The following GRIN2B variants were observed in gnomAD, a reference collection of about 807,000 sequenced individuals.
GRIN2B encodes the protein glutamate ionotropic receptor NMDA type subunit 2B, also known as glutamate receptor ionotropic, NMDA 2B.
A neutral mutation model predicts 114.5 loss-of-function variants in GRIN2B; 5 were observed. The ratio of observed to expected loss-of-function variants is 0.04; its 90% confidence interval spans 0.02 to 0.09. The LOEUF (loss-of-function observed/expected upper bound fraction) is 0.09, where lower values mean the gene tolerates loss of function less well. GRIN2B is among the 10% of genes least tolerant of loss of function. GRIN2B has a pLI of 1.00. For synonymous variants in GRIN2B, 787 were observed against 745.1 expected (o/e 1.06, Z -0.92); for missense variants, 1,108 against 1,943.5 (o/e 0.57, Z 8.08).
chr12:13,882,797 A>G (rs1297273722), intron 2 of GRIN2B, among the ~76,000 whole-genome samples: 1 of 152,242 alleles, frequency 6.6e-6, no homozygotes, highest in Non-Finnish European at 1.5e-5. Context: ...ATTAAAATTC[A>G]CGCTTTTAAG....
At chr12:13,820,715 T>C (rs1347043519) in intron 3 of GRIN2B, among the ~76,000 whole-genome samples, 1 of 152,178 alleles carries the variant, frequency 6.6e-6, no homozygotes, top group Non-Finnish European at 1.5e-5. Context: ...GCAAACCTGG[T>C]TGCTAAATGC....
intron 3 of GRIN2B, among the ~76,000 whole-genome samples, chr12:13,758,921 T>C (rs1323109758): frequency 1.3e-5 from 2 of 152,088 alleles, no homozygotes; most frequent in Non-Finnish European, 2.9e-5. Flanking sequence ...CTAGTGTTCA[T>C]TGTATTAATA....
chr12:13,832,003 T>C (rs1317764344), intron 3 of GRIN2B, among the ~76,000 whole-genome samples: 1 of 152,146 alleles, frequency 6.6e-6, no homozygotes, highest in Non-Finnish European at 1.5e-5. Context: ...CCCCTGGTGG[T>C]GAAGGGCAGT....
intron 5 of GRIN2B, among the ~76,000 whole-genome samples, chr12:13,621,808 T>G (rs1355029112): frequency 2.0e-5 from 3 of 152,096 alleles, no homozygotes; most frequent in Non-Finnish European, 4.4e-5. Flanking sequence ...TCTAGGGAAC[T>G]AATCTGTAAT....
intron 8 of GRIN2B, among the ~76,000 whole-genome samples, chr12:13,613,123 G>C (rs1805530): frequency 0.022 from 3,419 of 152,214 alleles, 133 homozygotes; most frequent in African/African-American, 0.078. Flanking sequence ...CTAGAGATGC[G>C]AGCGTAAGAG....
intron 10 of GRIN2B, among the ~76,000 whole-genome samples, chr12:13,599,074 T>C (rs1327928124): frequency 6.6e-6 from 1 of 152,178 alleles, no homozygotes; most frequent in East Asian, 1.9e-4. Context: ...CTCCTGATGC[T>C]CTCGATCAAA....
At chr12:13,925,489 A>G (rs1343907911) in intron 2 of GRIN2B, among the ~76,000 whole-genome samples, 1 of 152,124 alleles carries the variant, frequency 6.6e-6, no homozygotes, top group East Asian at 1.9e-4. Flanking sequence ...GATTTCCACC[A>G]TTTTGAAAAG....
chr12:13,734,783 G>C (rs78013476), intron 4 of GRIN2B, among the ~76,000 whole-genome samples: 3 of 152,162 alleles, frequency 2.0e-5, no homozygotes, highest in African/African-American at 7.2e-5. Context: ...GCCTGGAATC[G>C]TCAGAGAAGG....
chr12:13,599,684 A>T (rs967269471), intron 10 of GRIN2B, among the ~76,000 whole-genome samples: 4 of 152,242 alleles, frequency 2.6e-5, no homozygotes, highest in Admixed American at 1.3e-4. Context: ...TTATGTAACT[A>T]AACTTTCGAA....
At chr12:13,823,801 T>C (rs1323249500) in intron 3 of GRIN2B, among the ~76,000 whole-genome samples, 3 of 152,158 alleles carry the variant, frequency 2.0e-5, no homozygotes, top group Non-Finnish European at 4.4e-5. Flanking sequence ...TCCATACATA[T>C]CTTTATCAGG....
chr12:13,824,236 G>A (rs533372841), intron 3 of GRIN2B, among the ~76,000 whole-genome samples: 30 of 152,284 alleles, frequency 2.0e-4, no homozygotes, highest in Non-Finnish European at 4.0e-4. Context: ...GAATTCACCA[G>A]TGAAGCCATT....
chr12:13,933,659 G>A (rs80156263), intron 2 of GRIN2B, among the ~76,000 whole-genome samples: 1 of 152,166 alleles, frequency 6.6e-6, no homozygotes, highest in Non-Finnish European at 1.5e-5. Context: ...TGAGCATGTG[G>A]CCCTGCAGAG....
chr12:13,645,449 A>T (rs1565487365), intron 5 of GRIN2B, among the ~76,000 whole-genome samples: 1 of 152,084 alleles, frequency 6.6e-6, no homozygotes, highest in Non-Finnish European at 1.5e-5. Flanking sequence ...AAAAGTTTGA[A>T]ATATTGTGAG....
chr12:13,600,918 A>T (rs1805519), intron 10 of GRIN2B, among the ~76,000 whole-genome samples: 52,314 of 152,044 alleles, frequency 0.34, 10,746 homozygotes, highest in East Asian at 0.8. Context: ...ATTAACCAGC[A>T]AGGAGAAGAC....
intron 2 of GRIN2B, among the ~76,000 whole-genome samples, chr12:13,877,836 G>A (rs1308922536): frequency 1.3e-5 from 2 of 152,064 alleles, no homozygotes; most frequent in African/African-American, 4.8e-5. Flanking sequence ...GCGGAAGCAG[G>A]CGGATCACTT....
In GRIN2B at chr12:13,788,306, T is replaced by C. The variant is rs543064385; in HGVS notation, c.412-34391A>G. On this transcript the variant is annotated intron_variant, in intron 3 of 13. Transcript: ENST00000609686. ...GAAGGGCCACTATAGGGAACACATA[T>C]AGTATTCAACAGAATGGACTAAGTT... 8.0e-4 allele frequency among the ~76,000 whole-genome samples: 122 copies of C among 152,310 alleles called. 1 individual carries two copies. Among genetic ancestry groups the C allele is most frequent in the African/African-American group, 2.7e-3 (113 of 41,560 alleles).
intron 2 of GRIN2B, among the ~76,000 whole-genome samples, chr12:13,955,610 T>C (rs1867574794): frequency 1.3e-5 from 2 of 152,182 alleles, no homozygotes; most frequent in South Asian, 4.1e-4. Context: ...CAGTTATGCA[T>C]CCAAATAATT....
chr12:13,668,644 C>T (rs1286843798), intron 5 of GRIN2B, among the ~76,000 whole-genome samples: 2 of 151,950 alleles, frequency 1.3e-5, no homozygotes, highest in African/African-American at 2.4e-5. Flanking sequence ...CCAGTGGCCC[C>T]GTGTCATTGT....
At chr12:13,682,908 G>A (rs930191392) in intron 4 of GRIN2B, among the ~76,000 whole-genome samples, 1 of 152,154 alleles carries the variant, frequency 6.6e-6, no homozygotes, top group Admixed American at 6.5e-5. Flanking sequence ...CCATGAATTA[G>A]TTTAATCTGC....
Sources: allele counts gnomAD v4.1 joint callset (sites outside exome capture counted in the v4.1 genomes callset), GRCh38; gene constraint gnomAD v4.1.1; transcripts MANE v1.5; gene names NCBI Gene and HGNC (gene_info 2026-07-23, HGNC 2026-07-21).